The following ZNF180 variants were observed in gnomAD, a reference collection of about 807,000 sequenced individuals.
ZNF180 encodes the protein zinc finger protein 180 (HHZ168).
A neutral mutation model predicts 11.8 loss-of-function variants in ZNF180; 11 were observed. That is an observed-to-expected ratio of 0.93 (90% CI 0.59 to 1.55). The LOEUF (loss-of-function observed/expected upper bound fraction) is 1.55, where lower values mean the gene tolerates loss of function less well. ZNF180 is among the 40% of genes most tolerant of loss of function. ZNF180 has a pLI of 0.00. For synonymous variants in ZNF180, 287 were observed against 257.7 expected, an observed-to-expected ratio of 1.11 and a Z score of -1.09; for missense variants, 773 against 781.7, an observed-to-expected ratio of 0.99 and a Z score of 0.13.
Position 44,479,394 on chromosome 19 carries a change from T to C in ZNF180, c.142A>G (p.Lys48Glu). Reference sequence around the variant, plus strand: ...CGTGTGAAGTCCACAGTCACAATTTTGAAGTTCACTCCTTCCTAAAAAAGG... The same window carrying C: ...CGTGTGAAGTCCACAGTCACAATTTCGAAGTTCACTCCTTCCTAAAAAAGG... ...TIPSQEGVNF[K>E]IVTVDFTREE... Residue 48 changes from lysine to glutamate, a missense_variant, in exon 4 of 5, where the codon AAA (lysine) becomes GAA (glutamate). Coordinates refer to ENST00000592529, the MANE Select transcript of ZNF180 (RefSeq NM_001278509.3). The C allele has an allele frequency of 6.2e-7, 1 of 1,613,902 alleles. No homozygotes were observed. Among genetic ancestry groups the C allele is most frequent in the Non-Finnish European group, 8.5e-7 (1 of 1,179,874 alleles).
intron 1 of ZNF180, among the ~76,000 whole-genome samples, chr19:44,499,166 T>C (rs1338630137): frequency 6.6e-6 from 1 of 152,222 alleles, no homozygotes. Flanking sequence ...GCCCCAGGAC[T>C]TGGGCACTCG....
intron 3 of ZNF180, among the ~76,000 whole-genome samples, chr19:44,480,489 C>T (rs575054303): frequency 7.9e-5 from 12 of 152,196 alleles, no homozygotes; most frequent in South Asian, 2.1e-4. Context: ...TGAATAATTA[C>T]GATGATCTAT....
chr19:44,490,898 A>T (rs540007554), intron 2 of ZNF180, among the ~76,000 whole-genome samples: 108 of 152,346 alleles, frequency 7.1e-4, no homozygotes, highest in Admixed American at 3.7e-3. Flanking sequence ...TAGACTCTGG[A>T]TGAAATGTCC....
At chr19:44,491,344 T>C (rs1232383790) in intron 2 of ZNF180, among the ~76,000 whole-genome samples, 1 of 152,248 alleles carries the variant, frequency 6.6e-6, no homozygotes, top group Non-Finnish European at 1.5e-5. Context: ...GAAACAAGCT[T>C]GCAACAAATG....
In ZNF180 at chr19:44,495,709, C is replaced by T. The variant is rs1227707351; in HGVS notation, c.51+1575G>A. Among the ~76,000 whole-genome samples, 3 of 152,114 alleles carry T rather than the reference C, an allele frequency of 2.0e-5. No individual in the cohort carries two copies. The highest frequency in any genetic ancestry group is 6.5e-5 in the Admixed American group (1 of 15,280). On this transcript the variant is annotated intron_variant, in intron 2 of 4. Transcript: ENST00000592529. This position sits in a 1 kb window ranked among gnomAD's most constrained non-coding sequence, Gnocchi z 4.5. ...CATATATGGACACTGGCCTCAGCCA[C>T]TTGGGCTCTGACACCCACATTGGGC...
chr19:44,489,257 A>G (rs1462606528), intron 2 of ZNF180, among the ~76,000 whole-genome samples: 3 of 139,562 alleles, frequency 2.1e-5, no homozygotes, highest in African/African-American at 7.7e-5. Flanking sequence ...GCTCATTGAG[A>G]ACGGGCCATG....
At chr19:44,500,237 G>A in intron 1 of ZNF180, 38 bp downstream of exon 1, 1 of 1,613,966 alleles carries the variant, frequency 6.2e-7, no homozygotes, top group South Asian at 1.1e-5. Context: ...GCGCATGCGC[G>A]CATCGGACAC....
chr19:44,492,496 G>A (rs1970474230), intron 2 of ZNF180, among the ~76,000 whole-genome samples: 1 of 152,156 alleles, frequency 6.6e-6, no homozygotes, highest in Non-Finnish European at 1.5e-5. Context: ...AGAGAAAAGG[G>A]TTGTGGGCAG....
chr19:44,486,707 C>T (rs1254158206), intron 2 of ZNF180, among the ~76,000 whole-genome samples: 2 of 152,028 alleles, frequency 1.3e-5, no homozygotes, highest in African/African-American at 4.8e-5. Flanking sequence ...AGTTCGAGCC[C>T]AGCCTCAGCA....
chr19:44,489,692 C>G (rs1477305562), intron 2 of ZNF180, among the ~76,000 whole-genome samples: 8 of 138,990 alleles, frequency 5.8e-5, no homozygotes, highest in African/African-American at 2.1e-4. Flanking sequence ...GTCCTATGAC[C>G]CTGCCAAATC....
Position 44,475,692 on chromosome 19 carries a change from C to T in ZNF180, c.*710G>A, listed in dbSNP as rs939616854. 9.2e-5 allele frequency: 14 copies of T among 152,278 alleles called. No homozygotes were observed. Among genetic ancestry groups the T allele is most frequent in the Admixed American group, 4.6e-4 (7 of 15,304 alleles). 9.4% of individuals were successfully genotyped at this position (152,278 alleles called of 1,614,324 possible). A position where few individuals can be genotyped will look rare whatever the true frequency, so the allele number is the denominator to read the frequency against. On this transcript the variant is annotated 3_prime_UTR_variant, in exon 5 of 5. Coordinates refer to ENST00000592529, the MANE Select transcript of ZNF180 (RefSeq NM_001278509.3). The stretch of plus-strand genomic sequence containing the variant: ...TATATCATTTATCATAGCATAACAG[C>T]GTACATTCCAAAAAGGAAGGCCCAA...
chr19:44,500,217 C>A (rs1255283993), intron 1 of ZNF180, 58 bp downstream of exon 1: 2 of 1,614,172 alleles, frequency 1.2e-6, no homozygotes, highest in Non-Finnish European at 1.7e-6. Flanking sequence ...CAGCTTCCCG[C>A]GTAGACCCTG....
At position 44,476,089 on chromosome 19, in the gene ZNF180, T is replaced by C. The variant is rs541692725; in HGVS notation, c.*313A>G. The C allele has an allele frequency of 4.3e-6, 1 of 230,892 alleles. No individual in the cohort carries two copies. The highest frequency in any genetic ancestry group is 9.5e-5 in the East Asian group (1 of 10,484). The allele number at this position is 230,892 out of a possible 1,614,324, so 14.3% of individuals were successfully genotyped here. A position where few individuals can be genotyped will look rare whatever the true frequency, so the allele number is the denominator to read the frequency against. ...GAGGTCTAACACTGGCAGTTGGCTT[T>C]GGCATATGATTTTCTCTGATTCAGG... On this transcript the variant is annotated 3_prime_UTR_variant, in exon 5 of 5. Transcript: ENST00000592529.
intron 3 of ZNF180, among the ~76,000 whole-genome samples, chr19:44,479,705 G>A (rs1237072814): frequency 6.6e-6 from 1 of 152,124 alleles, no homozygotes; most frequent in Non-Finnish European, 1.5e-5. Context: ...TTTTGCACTG[G>A]TGAATATAGA....
chr19:44,478,921 G>A (rs555991187), intron 4 of ZNF180, among the ~76,000 whole-genome samples: 1 of 152,258 alleles, frequency 6.6e-6, no homozygotes, highest in East Asian at 1.9e-4. Flanking sequence ...CACATGTATT[G>A]GAAAATTCTT....
intron 1 of ZNF180, among the ~76,000 whole-genome samples, chr19:44,497,680 G>A (rs1300884143): frequency 1.3e-5 from 2 of 152,080 alleles, no homozygotes; most frequent in Admixed American, 6.5e-5. Flanking sequence ...AAAGTCTGCA[G>A]CACCAGTCCA....
At chr19:44,488,147 C>G (rs1336806165) in intron 2 of ZNF180, among the ~76,000 whole-genome samples, 16 of 116,260 alleles carry the variant, frequency 1.4e-4, no homozygotes, top group Admixed American at 2.5e-4. Context: ...CACGGTCTCC[C>G]TCTCCCTCTC....
At position 44,477,778 on chromosome 19, in the gene ZNF180, T is replaced by C; in HGVS notation, c.622A>G (p.Ser208Gly). The C allele has an allele frequency of 6.2e-7, 1 of 1,613,956 alleles. No individual in the cohort carries two copies. Among genetic ancestry groups the C allele is most frequent in the Non-Finnish European group, 8.5e-7 (1 of 1,179,942 alleles). The change falls in exon 5 of 5, where the codon AGT becomes GGT. Residue 208 changes from serine to glycine, a missense_variant. Transcript: ENST00000592529. ...TCATTCTCATTAATCTTCTGATGAC[T>C]GTTTACAGCAGCATTAAGATGCCAT... ...KKWHLNAAVNSHQKINENETL... is the reference protein window; with the variant it reads ...KKWHLNAAVNGHQKINENETL...
In ZNF180 at chr19:44,495,283, C is replaced by T. The variant is rs1002712029; in HGVS notation, c.51+2001G>A. 4.9e-4 allele frequency among the ~76,000 whole-genome samples: 75 copies of T among 152,102 alleles called. No homozygotes were observed. The highest frequency in any genetic ancestry group is 1.7e-3 in the African/African-American group (69 of 41,474). ...TCCCTGGGCTCTGCCACCCCACACT[C>T]GGCCACCCTCTGCCCAGGGGAGCTC... On this transcript the variant is annotated intron_variant, in intron 2 of 4. Coordinates refer to ENST00000592529, the MANE Select transcript of ZNF180 (RefSeq NM_001278509.3). The surrounding 1 kb of genome is among the most constrained non-coding windows in gnomAD (Gnocchi z 4.5).
Sources: allele counts gnomAD v4.1 joint callset (sites outside exome capture counted in the v4.1 genomes callset), GRCh38; gene constraint gnomAD v4.1.1; non-coding constraint Gnocchi (gnomAD v3.1); transcripts MANE v1.5; gene names NCBI Gene and HGNC (gene_info 2026-07-23, HGNC 2026-07-21).